Variants in PDE12 observed in about 807,000 individuals in gnomAD.
PDE12 encodes 2',5'-phosphodiesterase 12.
Under a neutral mutation model 45.4 loss-of-function variants are expected in PDE12, and 26 were observed. The ratio of observed to expected loss-of-function variants is 0.57; its 90% CI spans 0.42 to 0.79. The LOEUF (loss-of-function observed/expected upper bound fraction) is 0.79. Ranked by LOEUF, PDE12 falls within the 30% of genes least tolerant of loss-of-function variation. The pLI is 0.00. For synonymous variants in PDE12, 283 were observed against 323.9 expected, an observed-to-expected ratio of 0.87 and a Z score of 1.36; for missense variants, 668 against 790.0, an observed-to-expected ratio of 0.85 and a Z score of 1.85.
At chr3:57,583,205 T>C in the PDE12 span, among the ~76,000 whole-genome samples, 1 of 152,222 alleles carries the variant, frequency 6.6e-6, no homozygotes, top group Non-Finnish European at 1.5e-5. Flanking sequence ...CTAGGACCTA[T>C]GGACTCAATG....
the PDE12 span, among the ~76,000 whole-genome samples, chr3:57,573,586 C>G: frequency 6.6e-6 from 1 of 152,014 alleles, no homozygotes; most frequent in Non-Finnish European, 1.5e-5. Flanking sequence ...ATTGATTGAT[C>G]GACTGATTGT....
the PDE12 span, chr3:57,575,566 C>T: frequency 6.2e-7 from 1 of 1,612,770 alleles, no homozygotes; most frequent in South Asian, 1.1e-5. Flanking sequence ...TACGAAGAGA[C>T]TGAAGCCCTA....
the PDE12 span, chr3:57,575,808 T>C: frequency 1.0e-6 from 1 of 985,720 alleles, no homozygotes; most frequent in Non-Finnish European, 1.4e-6. Flanking sequence ...AAGTTCACTC[T>C]TACAACTGAA....
At chr3:57,643,215 G>C in the PDE12 span, among the ~76,000 whole-genome samples, 10 of 152,072 alleles carry the variant, frequency 6.6e-5, no homozygotes, top group Non-Finnish European at 1.5e-4. Context: ...TTAATGTGGG[G>C]CATGTTACAA....
chr3:57,604,626 TG>T, the PDE12 span, among the ~76,000 whole-genome samples: 9 of 32,022 alleles, frequency 2.8e-4, 1 homozygote, highest in South Asian at 2.2e-3. Context: ...TTGGGGGGGG[TG>T]GGTGGGACAG....
chr3:57,626,867 A>T, the PDE12 span: 1 of 152,596 alleles, frequency 6.6e-6, no homozygotes, highest in Admixed American at 6.5e-5. Flanking sequence ...CATGACAGTG[A>T]CTCAGGCGAA....
At chr3:57,590,595 G>T in the PDE12 span, among the ~76,000 whole-genome samples, 1 of 152,190 alleles carries the variant, frequency 6.6e-6, no homozygotes, top group Non-Finnish European at 1.5e-5. Context: ...TGGATAAAAA[G>T]ATTTTTCATG....
At chr3:57,639,888 T>A in the PDE12 span, among the ~76,000 whole-genome samples, 3 of 152,190 alleles carry the variant, frequency 2.0e-5, no homozygotes, top group Non-Finnish European at 4.4e-5. Flanking sequence ...TTTAGATATA[T>A]GTATATACCA....
At position 57,556,801 on chromosome 3, in the gene PDE12, C is replaced by T. The variant is rs375215038; in HGVS notation, c.422C>T (p.Ala141Val). 3.1e-6 allele frequency: 5 copies of T among 1,612,362 alleles called. No homozygotes were observed. The highest frequency in any genetic ancestry group is 4.2e-6 in the Non-Finnish European group (5 of 1,178,898). ...AVAEDVLNVDAWQDGAVLQIG... is the reference protein window; with the variant it reads ...AVAEDVLNVDVWQDGAVLQIG... The stretch of plus-strand genomic sequence containing the variant: ...GCTGAGGACGTGCTCAACGTGGATG[C>T]CTGGCAAGACGGCGCGGTGCTGCAG... Residue 141 changes from alanine to valine, a missense_variant, in exon 1 of 3, where the codon GCC (alanine) becomes GTC (valine). By Grantham distance (64) the Ala-to-Val change is moderately conservative. Coordinates refer to ENST00000311180, the MANE Select transcript of PDE12 (RefSeq NM_177966.7). The surrounding 1 kb of genome is among the most constrained non-coding windows in gnomAD (Gnocchi z 5.0).
In PDE12 at chr3:57,560,482, T is replaced by C. The variant is rs144212569; in HGVS notation, c.*478T>C. 5.4e-3 allele frequency: 2,235 copies of C among 412,750 alleles called. 53 individuals are homozygous for C. The highest frequency in any genetic ancestry group is 0.045 in the African/African-American group (2,077 of 45,996). The allele number at this position is 412,750 out of a possible 1,614,324, so 25.6% of individuals were successfully genotyped here. A position where few individuals can be genotyped will look rare whatever the true frequency, so the allele number is the denominator to read the frequency against. ...CTGGGATTACAGGCGTGCGCCAACA[T>C]GTCTGGCTAATTTTTGTATTTTTAG... is the stretch of plus-strand genomic sequence containing the variant. On this transcript the variant is annotated 3_prime_UTR_variant, in exon 3 of 3. Transcript: ENST00000311180.
At chr3:57,644,688 AGGGAG>A in the PDE12 span, among the ~76,000 whole-genome samples, 1 of 84,784 alleles carries the variant, frequency 1.2e-5, no homozygotes, top group African/African-American at 4.6e-5. Flanking sequence ...GCAACAGGGA[AGGGAG>A]GGGAGGGGAG....
At chr3:57,655,725 T>A in the PDE12 span, among the ~76,000 whole-genome samples, 1 of 152,242 alleles carries the variant, frequency 6.6e-6, no homozygotes, top group Non-Finnish European at 1.5e-5. Flanking sequence ...TATCTCATTA[T>A]GTATATGCAA....
chr3:57,613,124 G>C, the PDE12 span, among the ~76,000 whole-genome samples: 4 of 151,126 alleles, frequency 2.6e-5, no homozygotes, highest in Non-Finnish European at 5.9e-5. Flanking sequence ...GGGACTACAG[G>C]CGCCTGCGAC....
In PDE12 at chr3:57,556,758, T is replaced by G. The variant is rs201814253; in HGVS notation, c.379T>G (p.Tyr127Asp). The G allele has an allele frequency of 1.7e-5, 27 of 1,606,242 alleles. No individual in the cohort carries two copies. The African/African-American group carries it at 3.5e-4, about 21-fold the overall frequency. Residue 127 changes from tyrosine (Y) to aspartate (D), a missense_variant, in exon 1 of 3, where the codon TAC (tyrosine) becomes GAC (aspartate). Tyr to Asp is a radical substitution (Grantham distance 160). Transcript: ENST00000311180. The surrounding 1 kb of genome is among the most constrained non-coding windows in gnomAD (Gnocchi z 5.0). ...CTGCGAGCCCGTGGTGAAGCTGTAC[T>G]ACCGGGAAGAGGCAGTGGCTGAGGA... ...VFCEPVVKLYYREEAVAEDVL... is the reference protein window; with the variant it reads ...VFCEPVVKLYDREEAVAEDVL...
chr3:57,653,370 A>G, the PDE12 span, among the ~76,000 whole-genome samples: 1 of 152,232 alleles, frequency 6.6e-6, no homozygotes, highest in African/African-American at 2.4e-5. Context: ...TATTATACTG[A>G]TAATATGTTA....
chr3:57,655,492 A>C, the PDE12 span, among the ~76,000 whole-genome samples: 1 of 152,254 alleles, frequency 6.6e-6, no homozygotes, highest in Non-Finnish European at 1.5e-5. Flanking sequence ...TCTACATTAC[A>C]AAATGTTCCC....
chr3:57,557,118 A>G lies in PDE12; in HGVS notation c.739A>G (p.Lys247Glu). 1 of 1,614,034 alleles carries G rather than the reference A, an allele frequency of 6.2e-7. No individual in the cohort carries two copies. Among genetic ancestry groups the G allele is most frequent in the East Asian group, 2.2e-5 (1 of 44,866 alleles). The change falls in exon 1 of 3, where the codon AAG (lysine) becomes GAG (glutamate). Residue 247 changes from lysine (K) to glutamate (E), a missense_variant. Coordinates refer to ENST00000311180, the MANE Select transcript of PDE12 (RefSeq NM_177966.7). The part of the protein sequence containing the change: ...PSNADIGLRL[K>E]LHCTPGDGQR... ...CAATGCCGACATCGGGCTAAGGCTC[A>G]AGCTTCACTGCACCCCAGGCGATGG... is the stretch of plus-strand genomic sequence containing the variant.
chr3:57,597,144 G>A, the PDE12 span: 2 of 1,613,652 alleles, frequency 1.2e-6, no homozygotes, highest in African/African-American at 1.3e-5. Context: ...GGCCCATGGC[G>A]GTAGTGGCAC....
the PDE12 span, among the ~76,000 whole-genome samples, chr3:57,601,226 C>G: frequency 1.3e-5 from 2 of 152,034 alleles, no homozygotes; most frequent in African/African-American, 2.4e-5. Context: ...TCTCCTGTAT[C>G]AGCCTCCGGG....
Sources: gnomAD v4.1 joint callset for allele counts (sites outside exome capture counted in the v4.1 genomes callset) on GRCh38, gnomAD v4.1.1 for gene constraint, Gnocchi (gnomAD v3.1) non-coding constraint, MANE v1.5 for transcripts, NCBI Gene and HGNC (gene_info 2026-07-23, HGNC 2026-07-21) for gene names.